Variants in APOO observed in about 807,000 individuals in gnomAD.
APOO encodes apolipoprotein O.
In APOO, 11 loss-of-function variants were observed where a neutral mutation model predicts 23.1. The ratio of observed to expected loss-of-function variants is 0.48; its 90% confidence interval spans 0.30 to 0.79. The LOEUF is 0.79. Ranked by LOEUF, APOO falls within the 30% of genes least tolerant of loss-of-function variation. The pLI is 0.07. For synonymous variants in APOO, 59 were observed against 54.8 expected, an observed-to-expected ratio of 1.08 and a Z score of -0.34; for missense variants, 160 against 142.7, an observed-to-expected ratio of 1.12 and a Z score of -0.62.
rs1201376267 is a variant in APOO at position 23,907,891 on chromosome X, G to T, written c.-189C>A. On this transcript the variant is annotated 5_prime_UTR_variant, in exon 1 of 9. Transcript: ENST00000379226. The stretch of plus-strand genomic sequence containing the variant: ...TCAATCACCCGGTTCTAGAAGCCGC[G>T]TCGCTGAGCCGCAGCGCGTCGCGCC... The T allele has an allele frequency of 4.4e-6, 2 of 459,189 alleles. No individual in the cohort carries two copies. The highest frequency in any genetic ancestry group is 6.7e-6 in the Non-Finnish European group (2 of 298,034). 37.8% of individuals were successfully genotyped at this position (459,189 alleles called of 1,213,427 possible).
chrX:23,875,022 G>A (rs1305407464), intron 3 of APOO, among the ~76,000 whole-genome samples: 1 of 111,482 alleles, frequency 9.0e-6, no homozygotes, highest in Non-Finnish European at 1.9e-5. Flanking sequence ...GGCCGAGTGG[G>A]GCAGATCACC....
At chrX:23,839,069 A>G (rs1923851868) in intron 8 of APOO, among the ~76,000 whole-genome samples, 1 of 111,787 alleles carries the variant, frequency 8.9e-6, no homozygotes, top group Non-Finnish European at 1.9e-5. Context: ...CATCCTTCTA[A>G]TGGCACATCC....
At position 23,907,936 on chromosome X, in the gene APOO, A is replaced by C. The variant is rs1927451181; in HGVS notation, c.-234T>G. 2.8e-6 allele frequency: 1 copy of C among 355,507 alleles called. No homozygotes were observed. The highest frequency in any genetic ancestry group is 4.8e-6 in the Non-Finnish European group (1 of 210,051). The allele number at this position is 355,507 out of a possible 1,213,427, so 29.3% of individuals were successfully genotyped here. A position where few individuals can be genotyped will look rare whatever the true frequency, so the allele number is the denominator to read the frequency against. On this transcript the variant is annotated 5_prime_UTR_variant, in exon 1 of 9. Transcript: ENST00000379226. The stretch of plus-strand genomic sequence containing the variant: ...CGCGCCCGGGCAGCGGGTGAACGCA[A>C]ACCCCGCCCTCCAGGAGGCTCCGCC...
At chrX:23,903,177 G>C (rs1161920852) in intron 1 of APOO, among the ~76,000 whole-genome samples, 1 of 111,048 alleles carries the variant, frequency 9.0e-6, no homozygotes, top group Non-Finnish European at 1.9e-5. Context: ...AGACCAGCCT[G>C]GCCAGCATGG....
intron 1 of APOO, among the ~76,000 whole-genome samples, chrX:23,883,139 G>A (rs146490280): frequency 0.013 from 1,485 of 111,405 alleles, 38 homozygotes; most frequent in African/African-American, 0.046. Flanking sequence ...ATGCTGGGTA[G>A]AGAAGGGCGT....
intron 5 of APOO, among the ~76,000 whole-genome samples, chrX:23,860,598 G>A (rs962109094): frequency 9.1e-6 from 1 of 109,435 alleles, no homozygotes; most frequent in Non-Finnish European, 1.9e-5. Context: ...CTGCAGCCTC[G>A]ACCTCCCAGG....
intron 7 of APOO, among the ~76,000 whole-genome samples, chrX:23,855,240 G>A (rs1009704233): frequency 9.2e-6 from 1 of 108,953 alleles, no homozygotes; most frequent in Non-Finnish European, 1.9e-5. Context: ...GCCTAGGCTG[G>A]TCTCAAACTC....
At chrX:23,842,473 C>T (rs1167831568) in intron 7 of APOO, among the ~76,000 whole-genome samples, 1 of 111,476 alleles carries the variant, frequency 9.0e-6, no homozygotes. Flanking sequence ...CTTAACACAT[C>T]CATGAACACG....
chrX:23,894,932 G>GTGATCTGGGTTCGAGACA (rs1236688270), intron 1 of APOO, among the ~76,000 whole-genome samples: 1 of 111,067 alleles, frequency 9.0e-6, no homozygotes, highest in African/African-American at 3.3e-5. Context: ...ATCACTTGAG[G>GTGATCTGGGTTCGAGACA]TCAGGGGTTC....
intron 7 of APOO, among the ~76,000 whole-genome samples, chrX:23,842,953 A>G (rs1317855270): frequency 1.8e-5 from 2 of 112,235 alleles, no homozygotes; most frequent in Non-Finnish European, 3.8e-5. Flanking sequence ...GGTTGCAGTG[A>G]GCCAAGATCA....
At chrX:23,889,656 G>GTTTT (rs138373055) in intron 1 of APOO, among the ~76,000 whole-genome samples, 2 of 61,859 alleles carry the variant, frequency 3.2e-5, no homozygotes, top group African/African-American at 6.7e-5. Context: ...CTGGGGAGTT[G>GTTTT]TTTTTTTTTT....
At chrX:23,861,263 G>A (rs1267881281) in intron 5 of APOO, among the ~76,000 whole-genome samples, 1 of 110,879 alleles carries the variant, frequency 9.0e-6, no homozygotes, top group African/African-American at 3.3e-5. Context: ...CTGTCCTTGT[G>A]CAACAGTGAG....
chrX:23,876,616 T>C (rs1490228549), intron 3 of APOO, among the ~76,000 whole-genome samples: 1 of 109,865 alleles, frequency 9.1e-6, no homozygotes, highest in East Asian at 2.8e-4. Context: ...CTGGCCAACA[T>C]GGTGAAACCC....
intron 4 of APOO, among the ~76,000 whole-genome samples, chrX:23,873,989 G>C (rs1439186343): frequency 8.9e-6 from 1 of 111,835 alleles, no homozygotes; most frequent in Non-Finnish European, 1.9e-5. Context: ...TATGCAGTAA[G>C]ACCTTTTATA....
intron 6 of APOO, among the ~76,000 whole-genome samples, chrX:23,857,544 A>G (rs1046651755): frequency 9.0e-6 from 1 of 111,613 alleles, no homozygotes; most frequent in African/African-American, 3.3e-5. Context: ...AAGCTCCCCA[A>G]GCTGGGGCCA....
At chrX:23,906,176 A>G (rs1927345819) in intron 1 of APOO, among the ~76,000 whole-genome samples, 2 of 112,784 alleles carry the variant, frequency 1.8e-5, no homozygotes, top group Non-Finnish European at 3.7e-5. Context: ...GCCCCCAGAC[A>G]TGGGAGTGAA....
intron 1 of APOO, among the ~76,000 whole-genome samples, chrX:23,882,613 T>C (rs1926198765): frequency 9.0e-6 from 1 of 111,305 alleles, no homozygotes; most frequent in Admixed American, 9.6e-5. Flanking sequence ...TCCATTCTGG[T>C]AGGAAGAACT....
At chrX:23,907,604 T>C in intron 1 of APOO, 90 bp downstream of exon 1, 2 of 991,203 alleles carry the variant, frequency 2.0e-6, no homozygotes, top group South Asian at 5.1e-5. Flanking sequence ...GAGCCAGGCC[T>C]GGCTGCAGAG....
intron 1 of APOO, among the ~76,000 whole-genome samples, chrX:23,899,113 AAAG>A (rs758224908): frequency 2.7e-5 from 3 of 112,089 alleles, no homozygotes; most frequent in African/African-American, 6.5e-5. Context: ...GGAACCAAAC[AAAG>A]AAGTCCTTAA....
Sources: allele counts gnomAD v4.1 joint callset (sites outside exome capture counted in the v4.1 genomes callset), GRCh38; gene constraint gnomAD v4.1.1; transcripts MANE v1.5; gene names NCBI Gene and HGNC (gene_info 2026-07-23, HGNC 2026-07-21).